Variants in CACNA1I observed in about 807,000 individuals in gnomAD.
CACNA1I encodes the protein calcium voltage-gated channel subunit alpha1 I.
CACNA1I carries 74 observed loss-of-function variants against 201.6 expected under a neutral mutation model. That is an observed-to-expected ratio of 0.37 (90% confidence interval 0.30 to 0.45). The LOEUF is 0.45. Among genes scored for constraint, CACNA1I ranks in the 20% least tolerant of loss-of-function variants. The pLI, the probability that CACNA1I is intolerant of heterozygous loss-of-function variation, is 1.00. For synonymous variants in CACNA1I, 1,431 were observed against 1,345.2 expected, an observed-to-expected ratio of 1.06 and a Z score of -1.40; for missense variants, 2,346 against 3,138.1, an observed-to-expected ratio of 0.75 and a Z score of 6.03.
chr22:39,626,516 G>A (rs1437960232), intron 4 of CACNA1I, among the ~76,000 whole-genome samples: 1 of 152,222 alleles, frequency 6.6e-6, no homozygotes, highest in Non-Finnish European at 1.5e-5. Flanking sequence ...GGCATCGTGT[G>A]GGTGGGCAGG....
chr22:39,603,457 C>G (rs1270257579), intron 3 of CACNA1I, among the ~76,000 whole-genome samples: 2 of 152,126 alleles, frequency 1.3e-5, no homozygotes, highest in East Asian at 3.8e-4. Context: ...CACAAGAACA[C>G]TTCTTGTTTT....
At chr22:39,582,524 G>A (rs945348009) in intron 1 of CACNA1I, among the ~76,000 whole-genome samples, 4 of 152,188 alleles carry the variant, frequency 2.6e-5, no homozygotes, top group African/African-American at 7.2e-5. Flanking sequence ...CCCAGCCCAG[G>A]CAGTCTCTGA....
intron 29 of CACNA1I, among the ~76,000 whole-genome samples, chr22:39,675,586 C>A (rs1333434320): frequency 6.6e-6 from 1 of 152,250 alleles, no homozygotes; most frequent in Non-Finnish European, 1.5e-5. Context: ...CCCTCAAAAT[C>A]CATTTGCTGT....
chr22:39,632,811 A>G (rs1934102121), intron 4 of CACNA1I, among the ~76,000 whole-genome samples: 1 of 149,902 alleles, frequency 6.7e-6, no homozygotes, highest in African/African-American at 2.5e-5. Context: ...CACCCATTCT[A>G]TTTCTCCCTT....
chr22:39,608,819 C>CA (rs983034747), intron 3 of CACNA1I, among the ~76,000 whole-genome samples: 28 of 145,710 alleles, frequency 1.9e-4, no homozygotes, highest in South Asian at 1.1e-3. Context: ...GATCCTGTCT[C>CA]AAAAAAAAAG....
At chr22:39,655,972 C>T (rs938230925) in intron 10 of CACNA1I, among the ~76,000 whole-genome samples, 1 of 152,160 alleles carries the variant, frequency 6.6e-6, no homozygotes, top group Non-Finnish European at 1.5e-5. Flanking sequence ...GTGTCAGCGC[C>T]TACAGCTTTC....
At chr22:39,573,411 TCTGGCTGGG>T (rs1487851815) in intron 1 of CACNA1I, among the ~76,000 whole-genome samples, 2 of 152,066 alleles carry the variant, frequency 1.3e-5, no homozygotes, top group African/African-American at 2.4e-5. Flanking sequence ...TCTGATGGGC[TCTGGCTGGG>T]CTGGCTGGGG....
chr22:39,602,336 A>G (rs906752083), intron 3 of CACNA1I, among the ~76,000 whole-genome samples: 5 of 151,566 alleles, frequency 3.3e-5, no homozygotes, highest in African/African-American at 1.2e-4. Flanking sequence ...CAGCCTCCCA[A>G]AGTGCTGGGA....
chr22:39,662,511 G>C (rs1268207859), intron 17 of CACNA1I, 76 bp downstream of exon 17: 6 of 1,160,000 alleles, frequency 5.2e-6, no homozygotes, highest in South Asian at 5.1e-5. Flanking sequence ...AGGAGGCGGG[G>C]CCCGAGCGGG....
intron 3 of CACNA1I, among the ~76,000 whole-genome samples, chr22:39,610,824 C>T (rs1933366385): frequency 6.6e-6 from 1 of 152,142 alleles, no homozygotes; most frequent in Admixed American, 6.5e-5. Flanking sequence ...GGGCTCAGTG[C>T]CGACTCCCTC....
At position 39,661,181 on chromosome 22, in the gene CACNA1I, A is replaced by G. The variant is rs1253721479; in HGVS notation, c.2772A>G (p.Leu924=). Residue 924 remains leucine, a synonymous_variant, in exon 16 of 37, where the codon CTA becomes CTG. Coordinates refer to ENST00000402142, the MANE Select transcript of CACNA1I (RefSeq NM_021096.4). ...LDPSLPLGGH[L]GPAGAAGPAP... is the part of the protein sequence containing the mutation. ...CCAGTCTCCCACTGGGTGGGCACCTAGGTCCTGCTGGGGCTGCGGGACCTG... is the reference window on the plus strand; with the variant it reads ...CCAGTCTCCCACTGGGTGGGCACCTGGGTCCTGCTGGGGCTGCGGGACCTG... 1.2e-5 allele frequency: 20 copies of G among 1,612,828 alleles called. No homozygotes were observed. Among genetic ancestry groups the G allele is most frequent in the Non-Finnish European group, 1.4e-5 (17 of 1,179,682 alleles).
intron 1 of CACNA1I, among the ~76,000 whole-genome samples, chr22:39,596,117 G>C (rs1382181024): frequency 2.4e-5 from 3 of 124,572 alleles, no homozygotes; most frequent in Non-Finnish European, 5.0e-5. Context: ...GGTCAGAGCA[G>C]AGTGAGCCAG....
intron 4 of CACNA1I, among the ~76,000 whole-genome samples, chr22:39,632,834 C>G (rs982372493): frequency 6.6e-6 from 1 of 151,326 alleles, no homozygotes; most frequent in South Asian, 2.1e-4. Context: ...CTCTGCTGTA[C>G]ACGCCTCGCT....
chr22:39,665,849 G>C lies in CACNA1I; in HGVS notation c.3979-32G>C. The C allele has an allele frequency of 3.7e-6, 6 of 1,613,574 alleles. No homozygotes were observed. Among genetic ancestry groups the C allele is most frequent in the Non-Finnish European group, 5.1e-6 (6 of 1,179,730 alleles). On this transcript the variant is annotated intron_variant, in intron 22 of 36. Transcript: ENST00000402142. This position sits in a 1 kb window ranked among gnomAD's most constrained non-coding sequence, Gnocchi z 5.5. ...CCTCTCTGACTTGCAACCCTCACCT[G>C]TGAGAGCACCAACCTCACCCCCTTT...
At chr22:39,647,352 G>A (rs911825650) in intron 8 of CACNA1I, among the ~76,000 whole-genome samples, 4 of 152,206 alleles carry the variant, frequency 2.6e-5, no homozygotes, top group Admixed American at 2.6e-4. Context: ...GCCCCTCAAA[G>A]CTGTGGCATG....
At position 39,665,631 on chromosome 22, in the gene CACNA1I, G is replaced by A. The variant is rs1197436711; in HGVS notation, c.3978+7G>A. 7 of 1,613,424 alleles carry A rather than the reference G, an allele frequency of 4.3e-6. No individual in the cohort carries two copies. Among genetic ancestry groups the A allele is most frequent in the Non-Finnish European group, 5.9e-6 (7 of 1,179,638 alleles). ...TGGCATCCTGGGAGTGCAGGTGAGG[G>A]GTGCCCAGTCTGGGCAGGGACTGGG... On this transcript the variant is annotated splice_region_variant and intron_variant, in intron 22 of 36. Transcript: ENST00000402142. This position sits in a 1 kb window ranked among gnomAD's most constrained non-coding sequence, Gnocchi z 5.5.
chr22:39,668,418 G>C (rs773418903), intron 24 of CACNA1I, 37 bp downstream of exon 24: 27 of 1,386,366 alleles, frequency 1.9e-5, no homozygotes, highest in Non-Finnish European at 2.6e-5. Context: ...CCTTGATGCA[G>C]GGAGGAACAT....
chr22:39,675,351 G>T, intron 29 of CACNA1I, among the ~76,000 whole-genome samples: 1 of 151,884 alleles, frequency 6.6e-6, no homozygotes, highest in African/African-American at 2.4e-5. Flanking sequence ...TGTGTGGCTC[G>T]GCCTCCCTGG....
intron 4 of CACNA1I, among the ~76,000 whole-genome samples, chr22:39,624,297 G>A (rs977568818): frequency 2.0e-5 from 3 of 152,234 alleles, no homozygotes; most frequent in Admixed American, 6.5e-5. Context: ...GCTGCTCCCC[G>A]GAGGTGGAGG....
Sources: gnomAD v4.1 joint callset for allele counts (sites outside exome capture counted in the v4.1 genomes callset) on GRCh38, gnomAD v4.1.1 for gene constraint, Gnocchi (gnomAD v3.1) non-coding constraint, MANE v1.5 for transcripts, NCBI Gene and HGNC (gene_info 2026-07-23, HGNC 2026-07-21) for gene names.